The following MGAT5 variants were observed in gnomAD, a reference collection of about 807,000 sequenced individuals.
MGAT5 encodes the protein alpha-1,6-mannosylglycoprotein 6-beta-N-acetylglucosaminyltransferase A.
Under a neutral mutation model 94.3 loss-of-function variants are expected in MGAT5, and 30 were observed. The observed-to-expected ratio is 0.32, with a 90% CI of 0.24 to 0.43. The LOEUF is 0.43. Ranked by LOEUF, MGAT5 falls within the 20% of genes least tolerant of loss-of-function variation. The pLI is 1.00. For missense variants in MGAT5, 691 were observed against 905.5 expected (o/e 0.76, Z 3.04); for synonymous variants, 310 against 322.9 (o/e 0.96, Z 0.43).
Position 134,453,001 on chromosome 2 carries a change from A to G in MGAT5, c.*4154A>G, listed in dbSNP as rs1444559294. ...ATTAGCTGTAGAGTCTTGAATGCAG[A>G]AAAAAATTACCCTAGCTTTCTTAGC... On this transcript the variant is annotated 3_prime_UTR_variant, in exon 16 of 16. Transcript: ENST00000281923. 6.6e-6 allele frequency: 1 copy of G among 152,124 alleles called. No homozygotes were observed. The highest frequency in any genetic ancestry group is 1.5e-5 in the Non-Finnish European group (1 of 68,038). The allele number at this position is 152,124 out of a possible 1,614,324, so 9.4% of individuals were successfully genotyped here.
At chr2:134,269,485 G>C (rs1217393333) in intron 1 of MGAT5, among the ~76,000 whole-genome samples, 1 of 152,216 alleles carries the variant, frequency 6.6e-6, no homozygotes, top group Non-Finnish European at 1.5e-5. Flanking sequence ...TATTTCTGTG[G>C]ATGGTTATGC....
intron 2 of MGAT5, among the ~76,000 whole-genome samples, chr2:134,273,565 GGTA>G (rs1397280973): frequency 6.6e-6 from 1 of 151,732 alleles, no homozygotes; most frequent in African/African-American, 2.4e-5. Flanking sequence ...CTCTAAATTG[GGTA>G]CCATAGCAAT....
chr2:134,384,823 G>A (rs1175616787), intron 10 of MGAT5, among the ~76,000 whole-genome samples: 1 of 152,200 alleles, frequency 6.6e-6, no homozygotes, highest in African/African-American at 2.4e-5. Context: ...ATGGTAGAGT[G>A]AAAACATTTA....
At chr2:134,189,138 A>C (rs1002486191) in intron 1 of MGAT5, among the ~76,000 whole-genome samples, 4 of 152,222 alleles carry the variant, frequency 2.6e-5, no homozygotes, top group African/African-American at 9.6e-5. Flanking sequence ...TTCGTTACAT[A>C]GGCAGGATTG....
chr2:134,154,632 A>C (rs1687389632), intron 1 of MGAT5, among the ~76,000 whole-genome samples: 1 of 152,186 alleles, frequency 6.6e-6, no homozygotes, highest in Non-Finnish European at 1.5e-5. Flanking sequence ...ATTTGAAGTC[A>C]GAGGACACTG....
intron 10 of MGAT5, among the ~76,000 whole-genome samples, chr2:134,394,963 C>A (rs1682623309): frequency 6.6e-6 from 1 of 152,224 alleles, no homozygotes; most frequent in East Asian, 1.9e-4. Context: ...CTGTGACAGC[C>A]CTCTTTGTCA....
At chr2:134,440,250 TTC>T (rs1685410340) in intron 14 of MGAT5, among the ~76,000 whole-genome samples, 1 of 152,220 alleles carries the variant, frequency 6.6e-6, no homozygotes, top group Non-Finnish European at 1.5e-5. Flanking sequence ...AGACTTCTAT[TTC>T]TCCAGTTCTT....
intron 1 of MGAT5, among the ~76,000 whole-genome samples, chr2:134,263,662 G>A (rs1312057467): frequency 1.3e-5 from 2 of 152,192 alleles, no homozygotes; most frequent in African/African-American, 4.8e-5. Flanking sequence ...TCACTAAGAT[G>A]TTTCTGGTGG....
chr2:134,347,560 A>G (rs879412886), intron 8 of MGAT5, among the ~76,000 whole-genome samples: 9 of 152,224 alleles, frequency 5.9e-5, no homozygotes, highest in Non-Finnish European at 1.2e-4. Flanking sequence ...TTCCACATCA[A>G]CGGATCAACC....
At chr2:134,437,216 C>T (rs1359910274) in intron 14 of MGAT5, among the ~76,000 whole-genome samples, 1 of 152,176 alleles carries the variant, frequency 6.6e-6, no homozygotes, top group Non-Finnish European at 1.5e-5. Flanking sequence ...TCTCAAACTC[C>T]TCCACTCAGG....
intron 11 of MGAT5, among the ~76,000 whole-genome samples, chr2:134,408,503 T>C (rs1683469644): frequency 6.6e-6 from 1 of 152,162 alleles, no homozygotes; most frequent in Non-Finnish European, 1.5e-5. Flanking sequence ...CAGGAAATAG[T>C]CTTTGGTTTA....
chr2:134,284,122 C>T (rs1242713772), intron 2 of MGAT5, among the ~76,000 whole-genome samples: 1 of 152,178 alleles, frequency 6.6e-6, no homozygotes, highest in African/African-American at 2.4e-5. Flanking sequence ...TTTAGATGTT[C>T]TAACATTTCC....
chr2:134,297,505 C>A (rs1685747723), intron 2 of MGAT5, among the ~76,000 whole-genome samples: 1 of 151,992 alleles, frequency 6.6e-6, no homozygotes, highest in South Asian at 2.1e-4. Flanking sequence ...TATTAGAACC[C>A]CAAATTTGGC....
At chr2:134,448,191 C>T (rs1685898659) in intron 15 of MGAT5, among the ~76,000 whole-genome samples, 1 of 152,236 alleles carries the variant, frequency 6.6e-6, no homozygotes. Context: ...CAGCCTTCAC[C>T]TCCCGTGTGC....
intron 10 of MGAT5, among the ~76,000 whole-genome samples, chr2:134,384,947 G>A (rs1681878040): frequency 6.6e-6 from 1 of 152,148 alleles, no homozygotes; most frequent in Admixed American, 6.5e-5. Context: ...AGAAAGAAGG[G>A]TAAGATGCAC....
At chr2:134,247,711 T>G (rs920942519) in intron 1 of MGAT5, among the ~76,000 whole-genome samples, 8 of 152,206 alleles carry the variant, frequency 5.3e-5, no homozygotes, top group African/African-American at 1.7e-4. Flanking sequence ...CTCCTGTGGC[T>G]CTAACAGTGT....
chr2:134,271,085 A>T (rs556617670), intron 2 of MGAT5, among the ~76,000 whole-genome samples: 1 of 152,318 alleles, frequency 6.6e-6, no homozygotes, highest in Admixed American at 6.5e-5. Context: ...GTACACCACC[A>T]TGCGGTTCCC....
intron 1 of MGAT5, among the ~76,000 whole-genome samples, chr2:134,179,848 T>A (rs1280155416): frequency 6.6e-6 from 1 of 151,938 alleles, no homozygotes; most frequent in Admixed American, 6.6e-5. Flanking sequence ...AGGTAGGAGG[T>A]TGGCACAAGA....
intron 13 of MGAT5, among the ~76,000 whole-genome samples, chr2:134,425,948 C>G (rs959956132): frequency 6.6e-6 from 1 of 151,548 alleles, no homozygotes. Context: ...CCTTGCTTCT[C>G]CACAGCTGGC....
Sources: allele counts gnomAD v4.1 joint callset (sites outside exome capture counted in the v4.1 genomes callset), GRCh38; gene constraint gnomAD v4.1.1; transcripts MANE v1.5; gene names NCBI Gene and HGNC (gene_info 2026-07-23, HGNC 2026-07-21).